Variants in OR10A6 observed in about 807,000 individuals in gnomAD.
OR10A6 encodes olfactory receptor 10A6.
In OR10A6, 2 loss-of-function variants were observed where a neutral mutation model predicts 1.5. That is an observed-to-expected ratio of 1.31 (90% CI 0.54 to 4.13). The LOEUF is 4.13. OR10A6 is among the 30% of genes most tolerant of loss of function. OR10A6 has a pLI of 0.07. For synonymous variants in OR10A6, 169 were observed against 137.3 expected (o/e 1.23, Z -1.61); for missense variants, 492 against 368.6 (o/e 1.33, Z -2.74).
Position 7,926,232 on chromosome 11 carries a change from C to T in OR10A6, c.*1486G>A, listed in dbSNP as rs76476907. ...ACCCCCCATATCCCCTCTCTGCTGA[C>T]AGTTGTTCTGTCCTTCAGTAAAATT... On this transcript the variant is annotated 3_prime_UTR_variant, in exon 4 of 4. Transcript: ENST00000641238. 3 of 152,554 alleles carry T rather than the reference C, an allele frequency of 2.0e-5. No homozygotes were observed. Among genetic ancestry groups the T allele is most frequent in the Non-Finnish European group, 2.9e-5 (2 of 68,242 alleles). 9.5% of individuals were successfully genotyped at this position (152,554 alleles called of 1,614,324 possible). A position where few individuals can be genotyped will look rare whatever the true frequency, so the allele number is the denominator to read the frequency against.
chr11:7,925,585 A>G lies in OR10A6; in HGVS notation c.*2133T>C, dbSNP rs890132075. The stretch of plus-strand genomic sequence containing the variant: ...ATTTTTATAAAGAATTTTTTTTAAG[A>G]AAAAAATTGGTTTACAGAATCAATG... On this transcript the variant is annotated 3_prime_UTR_variant, in exon 4 of 4. Coordinates refer to ENST00000641238, the MANE Select transcript of OR10A6 (RefSeq NM_001004461.2). The G allele has an allele frequency of 2.0e-5, 3 of 152,160 alleles. No homozygotes were observed. Among genetic ancestry groups the G allele is most frequent in the Admixed American group, 1.3e-4 (2 of 15,272 alleles). 9.4% of individuals were successfully genotyped at this position (152,160 alleles called of 1,614,324 possible).
At position 7,930,333 on chromosome 11, in the gene OR10A6, G is replaced by A. The variant is rs12282392; in HGVS notation, c.-1671C>T. The stretch of plus-strand genomic sequence containing the variant: ...TTAGGTCGGAGGAGGATGGCAGGAG[G>A]AGGAAAACTGACTTGCTCAAGTCAG... On this transcript the variant is annotated 5_prime_UTR_variant, in exon 4 of 4. Coordinates refer to ENST00000641238, the MANE Select transcript of OR10A6 (RefSeq NM_001004461.2). 0.35 allele frequency: 53,271 copies of A among 151,622 alleles called. 9,659 individuals carry two copies. The highest frequency in any genetic ancestry group is 0.41 in the Admixed American group (6,192 of 15,232). The allele number at this position is 151,622 out of a possible 1,614,324, so 9.4% of individuals were successfully genotyped here. A position where few individuals can be genotyped will look rare whatever the true frequency, so the allele number is the denominator to read the frequency against.
Position 7,927,860 on chromosome 11 carries a change from G to A in OR10A6, c.803C>T (p.Pro268Leu), listed in dbSNP as rs746513332. 110 of 1,613,856 alleles carry A rather than the reference G, an allele frequency of 6.8e-5. No homozygotes were observed. The highest frequency in any genetic ancestry group is 1.6e-4 in the Middle Eastern group (1 of 6,082). The stretch of plus-strand genomic sequence containing the variant: ...CAATGACATCACTTTCTTGGTTTCC[G>A]GTGAGTAGCCAGATTTGGGTTGTAA... ...TYLQPKSGYS[P>L]ETKKVMSLSY... Residue 268 changes from proline (P) to leucine (L), a missense_variant, in exon 4 of 4, where the codon CCG (proline) becomes CTG (leucine). Pro to Leu is a moderately conservative substitution (Grantham distance 98). Transcript: ENST00000641238.
In OR10A6 at chr11:7,925,974, C is replaced by T. The variant is rs563358916; in HGVS notation, c.*1744G>A. 3.9e-5 allele frequency: 6 copies of T among 152,356 alleles called. No individual in the cohort carries two copies. The highest frequency in any genetic ancestry group is 1.4e-4 in the African/African-American group (6 of 41,576). The allele number at this position is 152,356 out of a possible 1,614,324, so 9.4% of individuals were successfully genotyped here. The stretch of plus-strand genomic sequence containing the variant: ...CTCTGGGACCGGATTGAGAACTTAT[C>T]TTCCCATTTCACATACTTTCCTCTG... On this transcript the variant is annotated 3_prime_UTR_variant, in exon 4 of 4. Coordinates refer to ENST00000641238, the MANE Select transcript of OR10A6 (RefSeq NM_001004461.2).
chr11:7,928,820 CA>C lies in OR10A6; in HGVS notation c.-159del. ...AGAAATTTTCTTTGGCAATTTTAGA[CA>C]ATGACCAAATACTTGGATTATATTC... On this transcript the variant is annotated 5_prime_UTR_variant, in exon 4 of 4. In the 5' UTR this introduces an upstream ATG that the reference lacks. Coordinates refer to ENST00000641238, the MANE Select transcript of OR10A6 (RefSeq NM_001004461.2). The C allele has an allele frequency of 2.3e-6, 1 of 427,448 alleles. No homozygotes were observed. The highest frequency in any genetic ancestry group is 3.4e-5 in the East Asian group (1 of 29,114). 26.5% of individuals were successfully genotyped at this position (427,448 alleles called of 1,614,324 possible).
rs1376787004 is a variant in OR10A6, at chr11:7,928,886, A to G, written c.-224T>C. On this transcript the variant is annotated 5_prime_UTR_variant, in exon 4 of 4. Coordinates refer to ENST00000641238, the MANE Select transcript of OR10A6 (RefSeq NM_001004461.2). ...AGAAATGAAGAATTCTGGCTCAGAG[A>G]TCTTGTCAAATAATATCAAAATTTA... 1 of 400,362 alleles carries G rather than the reference A, an allele frequency of 2.5e-6. No individual in the cohort carries two copies. The highest frequency in any genetic ancestry group is 4.4e-6 in the Non-Finnish European group (1 of 227,326). The allele number at this position is 400,362 out of a possible 1,614,324, so 24.8% of individuals were successfully genotyped here.
chr11:7,931,062 C>T (rs1511001), intron 1 of OR10A6, 49 bp from the exon 2 acceptor site: 113,995 of 152,096 alleles, frequency 0.75, 43,296 homozygotes, highest in Admixed American at 0.82. Context: ...AGTCTACTGA[C>T]TCAATGTTTC....
rs372430463 is a variant in OR10A6, at chr11:7,928,054, G to A, written c.609C>T (p.Thr203=). Residue 203 remains threonine, a synonymous_variant, in exon 4 of 4, where the codon ACC becomes ACT. Transcript: ENST00000641238. ...AGAAAGGAACCAAAATAATCAAAAAGGTGCCTGTGAATGCATAGATTTCAA... is the reference window on the plus strand; with the variant it reads ...AGAAAGGAACCAAAATAATCAAAAAAGTGCCTGTGAATGCATAGATTTCAA... The part of the protein sequence containing the change: ...FLFEIYAFTG[T]FLIILVPFLL... 6.2e-7 allele frequency: 1 copy of A among 1,613,732 alleles called. No homozygotes were observed. Among genetic ancestry groups the A allele is most frequent in the Non-Finnish European group, 8.5e-7 (1 of 1,179,974 alleles).
intron 3 of OR10A6, 57 bp from the exon 4 acceptor site, chr11:7,930,572 T>C (rs1859516392): frequency 6.6e-6 from 1 of 152,170 alleles, no homozygotes; most frequent in African/African-American, 2.4e-5. Flanking sequence ...AATTTGTCCA[T>C]AGTCATGTAT....
In OR10A6 at chr11:7,928,799, A is replaced by G; in HGVS notation, c.-137T>C. 2.1e-6 allele frequency: 1 copy of G among 481,976 alleles called. No individual in the cohort carries two copies. Among genetic ancestry groups the G allele is most frequent in the East Asian group, 3.4e-5 (1 of 29,230 alleles). 29.9% of individuals were successfully genotyped at this position (481,976 alleles called of 1,614,324 possible). A position where few individuals can be genotyped will look rare whatever the true frequency, so the allele number is the denominator to read the frequency against. On this transcript the variant is annotated 5_prime_UTR_variant, in exon 4 of 4. Transcript: ENST00000641238. ...AGATGAGGAGCCTATCCTGACAGAA[A>G]TTTTCTTTGGCAATTTTAGACAATG... is the stretch of plus-strand genomic sequence containing the variant.
At position 7,928,032 on chromosome 11, in the gene OR10A6, A is replaced by C. The variant is rs1397544313; in HGVS notation, c.631T>G (p.Phe211Val). ...ATGTAAGACAAGAGTATCAACAAGA[A>C]AGGAACCAAAATAATCAAAAAGGTG... is the stretch of plus-strand genomic sequence containing the variant. The part of the protein sequence containing the change: ...TGTFLIILVP[F>V]LLILLSYIRV... Residue 211 changes from phenylalanine to valine, a missense_variant, in exon 4 of 4, where the codon TTC (phenylalanine) becomes GTC (valine). Transcript: ENST00000641238. 1 of 1,613,856 alleles carries C rather than the reference A, an allele frequency of 6.2e-7. No individual in the cohort carries two copies. Among genetic ancestry groups the C allele is most frequent in the East Asian group, 2.2e-5 (1 of 44,874 alleles).
Position 7,928,785 on chromosome 11 carries a change from C to T in OR10A6, c.-123G>A, listed in dbSNP as rs1175532220. On this transcript the variant is annotated 5_prime_UTR_variant, in exon 4 of 4. Coordinates refer to ENST00000641238, the MANE Select transcript of OR10A6 (RefSeq NM_001004461.2). ...GAAATTCTGGCAGAAGATGAGGAGC[C>T]TATCCTGACAGAAATTTTCTTTGGC... 3.7e-6 allele frequency: 2 copies of T among 545,976 alleles called. No homozygotes were observed. Among genetic ancestry groups the T allele is most frequent in the Non-Finnish European group, 2.9e-6 (1 of 344,210 alleles). 33.8% of individuals were successfully genotyped at this position (545,976 alleles called of 1,614,324 possible). A position where few individuals can be genotyped will look rare whatever the true frequency, so the allele number is the denominator to read the frequency against.
chr11:7,927,484 C>A lies in OR10A6; in HGVS notation c.*234G>T, dbSNP rs907246694. 7.2e-6 allele frequency: 3 copies of A among 417,746 alleles called. No homozygotes were observed. Among genetic ancestry groups the A allele is most frequent in the Admixed American group, 8.0e-5 (2 of 24,900 alleles). The allele number at this position is 417,746 out of a possible 1,614,324, so 25.9% of individuals were successfully genotyped here. On this transcript the variant is annotated 3_prime_UTR_variant, in exon 4 of 4. Coordinates refer to ENST00000641238, the MANE Select transcript of OR10A6 (RefSeq NM_001004461.2). ...AAAATAACCATCAGTAGGGCTACTACTAAACAAATTGTTGAAATTGTGTTA... is the reference window on the plus strand; with the variant it reads ...AAAATAACCATCAGTAGGGCTACTAATAAACAAATTGTTGAAATTGTGTTA...
chr11:7,927,778 A>G lies in OR10A6; in HGVS notation c.885T>C (p.Ser295=). 1 of 1,613,892 alleles carries G rather than the reference A, an allele frequency of 6.2e-7. No homozygotes were observed. The highest frequency in any genetic ancestry group is 8.5e-7 in the Non-Finnish European group (1 of 1,179,876). The change falls in exon 4 of 4, where the codon AGT becomes AGC. Residue 295 remains serine, a synonymous_variant. Coordinates refer to ENST00000641238, the MANE Select transcript of OR10A6 (RefSeq NM_001004461.2). The part of the protein sequence containing the change: ...LNLLIYSLRN[S]EMKRALMKLW... ...ATTTCATCAAAGCCCTCTTCATCTC[A>G]CTATTTCGCAAACTGTAGATAAGCA... is the stretch of plus-strand genomic sequence containing the variant.
rs1564866131 is a variant in OR10A6, at chr11:7,927,951, AG to A, written c.711del (p.Ser239ProfsTer10). The A allele has an allele frequency of 2.5e-6, 4 of 1,613,964 alleles. No individual in the cohort carries two copies. Among genetic ancestry groups the A allele is most frequent in the Non-Finnish European group, 2.5e-6 (3 of 1,179,990 alleles). On this transcript the variant is annotated frameshift_variant, in exon 4 of 4. Transcript: ENST00000641238. LOFTEE classifies it high-confidence loss of function. ...KMPSTTGRQKAFSTCAAHLTS... is the reference protein window; with the variant it reads ...KMPSTTGRQKXFSTCAAHLTS... Reference sequence around the variant, plus strand: ...GTGAGGTGAGCGGCACAGGTGGAAAAGGCCTTTTGTCTCCCAGTGGTTGATG... The same window carrying A: ...GTGAGGTGAGCGGCACAGGTGGAAAAGCCTTTTGTCTCCCAGTGGTTGATG...
Position 7,927,495 on chromosome 11 carries a change from G to C in OR10A6, c.*223C>G. On this transcript the variant is annotated 3_prime_UTR_variant, in exon 4 of 4. Coordinates refer to ENST00000641238, the MANE Select transcript of OR10A6 (RefSeq NM_001004461.2). Reference sequence around the variant, plus strand: ...CAGTAGGGCTACTACTAAACAAATTGTTGAAATTGTGTTATATTCAATATT... The same window carrying C: ...CAGTAGGGCTACTACTAAACAAATTCTTGAAATTGTGTTATATTCAATATT... 2 of 426,818 alleles carry C rather than the reference G, an allele frequency of 4.7e-6. No homozygotes were observed. The highest frequency in any genetic ancestry group is 8.2e-6 in the Non-Finnish European group (2 of 242,792). 26.4% of individuals were successfully genotyped at this position (426,818 alleles called of 1,614,324 possible). A position where few individuals can be genotyped will look rare whatever the true frequency, so the allele number is the denominator to read the frequency against.
rs1373966252 is a variant in OR10A6 at position 7,929,962 on chromosome 11, GTATGTATATATA to G, written c.-1312_-1301del. 1 of 24,796 alleles carries G rather than the reference GTATGTATATATA, an allele frequency of 4.0e-5. No homozygotes were observed. The highest frequency in any genetic ancestry group is 6.9e-5 in the Non-Finnish European group (1 of 14,562). The allele number at this position is 24,796 out of a possible 1,614,324, so 1.5% of individuals were successfully genotyped here. ...AAGCTCTAGTAAGGTATGTGTATGT[GTATGTATATATA>G]TATATATATATATATATATAAAATC... On this transcript the variant is annotated 5_prime_UTR_variant, in exon 4 of 4. Coordinates refer to ENST00000641238, the MANE Select transcript of OR10A6 (RefSeq NM_001004461.2).
rs1859405293 is a variant in OR10A6 at position 7,926,572 on chromosome 11, A to G, written c.*1146T>C. 6.6e-6 allele frequency: 1 copy of G among 152,122 alleles called. No homozygotes were observed. The highest frequency in any genetic ancestry group is 2.4e-5 in the African/African-American group (1 of 41,426). The allele number at this position is 152,122 out of a possible 1,614,324, so 9.4% of individuals were successfully genotyped here. Reference sequence around the variant, plus strand: ...GAAGAAAAGAAGGGTTTTCCATCCAATGAATGATTGTTTTGTAGAAGTGTT... The same window carrying G: ...GAAGAAAAGAAGGGTTTTCCATCCAGTGAATGATTGTTTTGTAGAAGTGTT... On this transcript the variant is annotated 3_prime_UTR_variant, in exon 4 of 4. Transcript: ENST00000641238.
In OR10A6 at chr11:7,927,699, A is replaced by T; in HGVS notation, c.*19T>A. On this transcript the variant is annotated 3_prime_UTR_variant, in exon 4 of 4. Transcript: ENST00000641238. ...TACAGTCATGCAGTGACTAAATCTT[A>T]CATGGCTTCTCAACACAGTCAGATT... 6.5e-7 allele frequency: 1 copy of T among 1,531,122 alleles called. No homozygotes were observed. The highest frequency in any genetic ancestry group is 9.0e-7 in the Non-Finnish European group (1 of 1,108,182). The allele number at this position is 1,531,122 out of a possible 1,614,324, so 94.8% of individuals were successfully genotyped here.
Sources: allele counts gnomAD v4.1 joint callset, GRCh38; gene constraint gnomAD v4.1.1; transcripts MANE v1.5; gene names NCBI Gene and HGNC (gene_info 2026-07-23, HGNC 2026-07-21).